AGBL4: variants seen among roughly 807,000 people sequenced by gnomAD.
AGBL4 encodes the protein AGBL carboxypeptidase 4.
AGBL4 carries 58 observed loss-of-function variants against 66.4 expected under a neutral mutation model. The observed-to-expected ratio is 0.87, with a 90% CI of 0.71 to 1.09. The LOEUF (loss-of-function observed/expected upper bound fraction) is 1.09, where lower values mean the gene tolerates loss of function less well. Ranked by LOEUF, AGBL4 falls within the 50% of genes least tolerant of loss-of-function variation. The pLI, the probability that AGBL4 is intolerant of heterozygous loss-of-function variation, is 0.00. For missense variants in AGBL4, 579 were observed against 631.0 expected (o/e 0.92, Z 0.88); for synonymous variants, 234 against 222.9 (o/e 1.05, Z -0.44).
chr1:49,050,100 G>A (rs1261733019), intron 4 of AGBL4, among the ~76,000 whole-genome samples: 1 of 152,032 alleles, frequency 6.6e-6, no homozygotes. Flanking sequence ...GAAGATTTCA[G>A]GTCCTGTAGT....
intron 3 of AGBL4, among the ~76,000 whole-genome samples, chr1:49,581,831 T>C (rs1164657911): frequency 6.6e-6 from 1 of 152,140 alleles, no homozygotes; most frequent in Admixed American, 6.5e-5. Flanking sequence ...GTGGCTTTCT[T>C]GCATGTCAAT....
intron 3 of AGBL4, among the ~76,000 whole-genome samples, chr1:49,548,153 G>T (rs971552860): frequency 1.3e-5 from 2 of 152,148 alleles, no homozygotes; most frequent in Non-Finnish European, 2.9e-5. Flanking sequence ...CACTAGTCTT[G>T]TATCCAGAAA....
intron 3 of AGBL4, among the ~76,000 whole-genome samples, chr1:49,378,275 CAA>C (rs1284340784): frequency 6.6e-6 from 1 of 151,998 alleles, no homozygotes; most frequent in Non-Finnish European, 1.5e-5. Flanking sequence ...TTATGTTTCA[CAA>C]AAAGAGTTCA....
chr1:49,191,399 A>G (rs559910869), intron 4 of AGBL4, among the ~76,000 whole-genome samples: 3 of 152,346 alleles, frequency 2.0e-5, no homozygotes, highest in South Asian at 4.1e-4. Context: ...AGTATTCTCA[A>G]TGCTGGCATA....
chr1:48,988,516 A>T (rs1214087938), intron 5 of AGBL4, among the ~76,000 whole-genome samples: 1 of 152,170 alleles, frequency 6.6e-6, no homozygotes, highest in African/African-American at 2.4e-5. Flanking sequence ...CGATAAATGA[A>T]AGCATGGAAG....
At chr1:48,991,180 T>C (rs997698956) in intron 5 of AGBL4, among the ~76,000 whole-genome samples, 3 of 152,242 alleles carry the variant, frequency 2.0e-5, no homozygotes, top group Admixed American at 2.0e-4. Flanking sequence ...CCTTCAGCTT[T>C]TGTTTGTCTG....
intron 4 of AGBL4, among the ~76,000 whole-genome samples, chr1:49,115,378 C>T (rs534060939): frequency 5.9e-5 from 9 of 152,108 alleles, no homozygotes; most frequent in South Asian, 2.1e-4. Context: ...GTTTTAGGAA[C>T]GGAAAAGGTA....
chr1:48,941,149 G>T (rs1485894417), intron 5 of AGBL4, among the ~76,000 whole-genome samples: 1 of 152,190 alleles, frequency 6.6e-6, no homozygotes, highest in African/African-American at 2.4e-5. Context: ...GAGGGCAGTG[G>T]TGGCTCCTAG....
At chr1:50,014,460 AC>A (rs2148442306) in intron 1 of AGBL4, among the ~76,000 whole-genome samples, 1 of 151,878 alleles carries the variant, frequency 6.6e-6, no homozygotes, top group African/African-American at 2.4e-5. Context: ...TATTAGATCA[AC>A]CCTTTTCACC....
chr1:49,442,563 C>A (rs1013158887), intron 3 of AGBL4, among the ~76,000 whole-genome samples: 1 of 152,202 alleles, frequency 6.6e-6, no homozygotes, highest in African/African-American at 2.4e-5. Context: ...GTTCCATCAA[C>A]ATTGCTGCAA....
chr1:49,470,262 T>C (rs1218320834), intron 3 of AGBL4, among the ~76,000 whole-genome samples: 1 of 152,000 alleles, frequency 6.6e-6, no homozygotes, highest in African/African-American at 2.4e-5. Flanking sequence ...ACTATAGATT[T>C]CTTGAAATAA....
At chr1:49,991,141 A>C (rs998134657) in intron 1 of AGBL4, among the ~76,000 whole-genome samples, 1 of 152,176 alleles carries the variant, frequency 6.6e-6, no homozygotes, top group African/African-American at 2.4e-5. Flanking sequence ...GTAGCTCCAG[A>C]CTATTATATG....
At chr1:49,724,999 G>GA (rs957099799) in intron 2 of AGBL4, among the ~76,000 whole-genome samples, 2 of 150,946 alleles carry the variant, frequency 1.3e-5, no homozygotes, top group Admixed American at 6.6e-5. Flanking sequence ...GAGGAAAGGA[G>GA]AAAAAAGAAG....
intron 1 of AGBL4, among the ~76,000 whole-genome samples, chr1:49,993,708 G>A (rs972300947): frequency 3.9e-5 from 6 of 152,034 alleles, no homozygotes; most frequent in Admixed American, 3.3e-4. Flanking sequence ...TTCCAATATG[G>A]TCCCTTTTCT....
At chr1:48,549,699 G>A (rs887875848) in intron 11 of AGBL4, among the ~76,000 whole-genome samples, 3 of 152,110 alleles carry the variant, frequency 2.0e-5, no homozygotes, top group African/African-American at 4.8e-5. Flanking sequence ...CTTGAAAACT[G>A]AGGAGAAATG....
chr1:49,770,425 G>A lies in AGBL4; in HGVS notation c.158-72988C>T, dbSNP rs184024030. Among the ~76,000 whole-genome samples, 296 of 152,092 alleles carry A rather than the reference G, an allele frequency of 1.9e-3. 3 individuals carry two copies. The highest frequency in any genetic ancestry group is 6.7e-3 in the African/African-American group (280 of 41,498). ...AATTTGCTGTTGAATTCAGTTTGCC[G>A]GTGTCTTTTTGATAATTTTTGCATC... On this transcript the variant is annotated intron_variant, in intron 2 of 13. Transcript: ENST00000371839.
At chr1:49,621,311 G>A (rs1051525155) in intron 3 of AGBL4, among the ~76,000 whole-genome samples, 7 of 152,148 alleles carry the variant, frequency 4.6e-5, no homozygotes, top group Non-Finnish European at 7.3e-5. Flanking sequence ...TGCTGTGTCC[G>A]GTTTCCATTG....
intron 3 of AGBL4, among the ~76,000 whole-genome samples, chr1:49,561,921 C>G (rs1171990829): frequency 5.3e-5 from 8 of 152,000 alleles, no homozygotes; most frequent in Non-Finnish European, 1.2e-4. Flanking sequence ...TACAGTCCCA[C>G]CAACAGTGTA....
At chr1:48,531,816 C>G (rs1330161931), downstream of AGBL4, among the ~76,000 whole-genome samples, 1 of 152,112 alleles carries the variant, frequency 6.6e-6, no homozygotes, top group Admixed American at 6.6e-5. Context: ...CACTCTGTCA[C>G]CCAGGCTGGA....
Sources: allele counts gnomAD v4.1 joint callset (sites outside exome capture counted in the v4.1 genomes callset), GRCh38; gene constraint gnomAD v4.1.1; transcripts MANE v1.5; gene names NCBI Gene and HGNC (gene_info 2026-07-23, HGNC 2026-07-21).